Variants in KLF8 observed in about 807,000 individuals in gnomAD.
KLF8 encodes KLF transcription factor 8.
KLF8 carries 10 observed loss-of-function variants against 18.2 expected under a neutral mutation model. The observed-to-expected ratio is 0.55, with a 90% CI of 0.34 to 0.93. The LOEUF is 0.93. Among genes scored for constraint, KLF8 ranks in the 40% least tolerant of loss-of-function variants. The probability of loss-of-function intolerance (pLI) is 0.02; values close to 1 mark genes in which losing one functional copy is unlikely to be tolerated. For synonymous variants in KLF8, 109 were observed against 97.3 expected, an observed-to-expected ratio of 1.12 and a Z score of -0.71; for missense variants, 264 against 277.9, an observed-to-expected ratio of 0.95 and a Z score of 0.36.
chrX:55,982,195 A>G, the KLF8 span, among the ~76,000 whole-genome samples: 1 of 111,826 alleles, frequency 8.9e-6, no homozygotes, highest in Non-Finnish European at 1.9e-5. Flanking sequence ...TGATATATTA[A>G]AGCAAGTTAA....
intron 3 of KLF8, 67 bp downstream of exon 3, chrX:56,265,811 C>T: frequency 1.8e-6 from 2 of 1,126,245 alleles, no homozygotes; most frequent in Non-Finnish European, 2.3e-6. Context: ...CATCCTATCT[C>T]CTGTCTCTTT....
At chrX:56,075,190 C>G in the KLF8 span, among the ~76,000 whole-genome samples, 4 of 109,611 alleles carry the variant, frequency 3.6e-5, no homozygotes, top group African/African-American at 1.3e-4. Flanking sequence ...ATATTTCATT[C>G]TTTTTGATGC....
chrX:56,072,987 A>ATT, the KLF8 span, among the ~76,000 whole-genome samples: 2,526 of 83,890 alleles, frequency 0.03, 109 homozygotes, highest in African/African-American at 0.096. Flanking sequence ...TTCGCTTAGC[A>ATT]TTTTTTTTTT....
the KLF8 span, among the ~76,000 whole-genome samples, chrX:55,955,855 G>A: frequency 1.2e-4 from 13 of 111,697 alleles, no homozygotes; most frequent in Non-Finnish European, 1.3e-4. Flanking sequence ...GCTTTAGAAC[G>A]TAAATCATAC....
In KLF8 at chrX:56,265,161, ATTTG is replaced by A; in HGVS notation, c.82-15_82-12del. On this transcript the variant is annotated splice_polypyrimidine_tract_variant and intron_variant, in intron 2 of 5. Transcript: ENST00000468660. ...ACTAACACTGACTTATGCATCTCTC[ATTTG>A]TTTATTTATTTAAGGTCACTGCTTC... The A allele has an allele frequency of 1.7e-6, 2 of 1,168,306 alleles. No individual in the cohort carries two copies. The highest frequency in any genetic ancestry group is 2.3e-6 in the Non-Finnish European group (2 of 868,116).
At chrX:56,173,136 G>T in the KLF8 span, among the ~76,000 whole-genome samples, 1 of 111,625 alleles carries the variant, frequency 9.0e-6, no homozygotes, top group Non-Finnish European at 1.9e-5. Flanking sequence ...GTCTTTTGTT[G>T]CCATTGCTTT....
the KLF8 span, among the ~76,000 whole-genome samples, chrX:55,933,951 G>A: frequency 2.3e-4 from 26 of 111,921 alleles, no homozygotes; most frequent in African/African-American, 6.2e-4. Context: ...GCATGGATAG[G>A]TCATAGCTTT....
chrX:56,119,237 G>A, the KLF8 span, among the ~76,000 whole-genome samples: 57,127 of 109,264 alleles, frequency 0.52, 13,593 homozygotes, highest in Non-Finnish European at 0.73. Flanking sequence ...TATTTCCTTT[G>A]CTAAAGTGGG....
chrX:56,138,615 C>T, the KLF8 span, among the ~76,000 whole-genome samples: 1 of 111,238 alleles, frequency 9.0e-6, no homozygotes, highest in Non-Finnish European at 1.9e-5. Flanking sequence ...TAAAATTCAA[C>T]ATCCCTTCAT....
chrX:56,179,963 G>A, the KLF8 span, among the ~76,000 whole-genome samples: 4 of 110,626 alleles, frequency 3.6e-5, no homozygotes, highest in African/African-American at 1.3e-4. Context: ...TTTTTTTCTT[G>A]TGTCTCTGCC....
chrX:56,067,279 T>A, the KLF8 span, among the ~76,000 whole-genome samples: 24 of 106,573 alleles, frequency 2.3e-4, no homozygotes, highest in Non-Finnish European at 4.1e-4. Flanking sequence ...CCCAAAAAAA[T>A]TTTGAAATCC....
the KLF8 span, among the ~76,000 whole-genome samples, chrX:56,129,641 A>G: frequency 9.0e-6 from 1 of 111,575 alleles, no homozygotes; most frequent in South Asian, 3.8e-4. Flanking sequence ...AAACTTTGTA[A>G]CCACTTGAAC....
the KLF8 span, among the ~76,000 whole-genome samples, chrX:56,106,238 A>G: frequency 9.0e-6 from 1 of 111,138 alleles, no homozygotes; most frequent in Non-Finnish European, 1.9e-5. Flanking sequence ...CATTCTATGT[A>G]TTTCCTGAAT....
At chrX:55,934,440 G>A in the KLF8 span, among the ~76,000 whole-genome samples, 1 of 112,056 alleles carries the variant, frequency 8.9e-6, no homozygotes, top group African/African-American at 3.2e-5. Context: ...AGATGCAATT[G>A]TCAGAAGCAG....
At chrX:56,040,869 A>T in the KLF8 span, among the ~76,000 whole-genome samples, 3 of 27,713 alleles carry the variant, frequency 1.1e-4, no homozygotes, top group African/African-American at 1.5e-4. Flanking sequence ...TCAGCTGTGA[A>T]TCTGTCTGGT....
chrX:55,947,330 C>T, the KLF8 span, among the ~76,000 whole-genome samples: 24 of 109,606 alleles, frequency 2.2e-4, no homozygotes, highest in East Asian at 1.7e-3. Flanking sequence ...AGTTCATGTC[C>T]TTTGTAGGGA....
the KLF8 span, among the ~76,000 whole-genome samples, chrX:56,120,908 C>T: frequency 2.7e-5 from 3 of 111,225 alleles, no homozygotes; most frequent in Non-Finnish European, 3.8e-5. Flanking sequence ...AATTCCGGGC[C>T]GAACACAGTG....
chrX:56,144,756 C>CAA, the KLF8 span, among the ~76,000 whole-genome samples: 7 of 64,558 alleles, frequency 1.1e-4, no homozygotes, highest in Admixed American at 1.8e-4. Context: ...CTGTCTCACA[C>CAA]AAAAAAAAAA....
At chrX:56,279,436 G>A (rs771307219) in intron 5 of KLF8, among the ~76,000 whole-genome samples, 2 of 111,985 alleles carry the variant, frequency 1.8e-5, no homozygotes, top group Admixed American at 1.9e-4. Context: ...GGAGAATAAC[G>A]ATCATATGAG....
Sources: allele counts gnomAD v4.1 joint callset (sites outside exome capture counted in the v4.1 genomes callset), GRCh38; gene constraint gnomAD v4.1.1; transcripts MANE v1.5; gene names NCBI Gene and HGNC (gene_info 2026-07-23, HGNC 2026-07-21).